ZNF28: variants seen among roughly 807,000 people sequenced by gnomAD.
ZNF28 encodes the protein zinc finger protein 28, also known as zinc finger protein KOX24.
Under a neutral mutation model 7.2 loss-of-function variants are expected in ZNF28, and 5 were observed. The ratio of observed to expected loss-of-function variants is 0.70; its 90% confidence interval spans 0.36 to 1.46. ZNF28 has a LOEUF of 1.46. Ranked by LOEUF, ZNF28 falls within the 40% of genes most tolerant of loss-of-function variation. The pLI is 0.03. For synonymous variants in ZNF28, 288 were observed against 292.4 expected (o/e 0.99, Z 0.15); for missense variants, 879 against 866.6 (o/e 1.01, Z -0.18).
intron 2 of ZNF28, chr19:52,810,534 C>T: frequency 1.3e-6 from 2 of 1,597,058 alleles, no homozygotes; most frequent in Non-Finnish European, 1.7e-6. Flanking sequence ...CCAAAGCGAA[C>T]CAACAGACCA....
chr19:52,800,003 C>T lies in ZNF28; in HGVS notation c.1842G>A (p.Lys614=). Residue 614 remains lysine (K), a synonymous_variant, in exon 4 of 4, where the codon AAG becomes AAA. Transcript: ENST00000457749. ...EKPYKCNECG[K]TFRQTSSLII... ...TAAGCGATGATGTCTGACGGAAGGTCTTGCCACACTCATTACACTTGTAAG... is the reference window on the plus strand; with the variant it reads ...TAAGCGATGATGTCTGACGGAAGGTTTTGCCACACTCATTACACTTGTAAG... 6.2e-7 allele frequency: 1 copy of T among 1,614,094 alleles called. No individual in the cohort carries two copies. The highest frequency in any genetic ancestry group is 1.3e-5 in the African/African-American group (1 of 75,040).
rs548377855 is a variant in ZNF28 at position 52,815,599 on chromosome 19, C to T, written c.15+2345G>A. Among the ~76,000 whole-genome samples, 16 of 146,308 alleles carry T rather than the reference C, an allele frequency of 1.1e-4. 3 individuals are homozygous for T. The highest frequency in any genetic ancestry group is 4.5e-4 in the South Asian group (2 of 4,406). ...CAGCACTTTGGGAGGCCGAGGCGGG[C>T]GAATCATGAGGTCAGGAGATCGAGA... On this transcript the variant is annotated intron_variant, in intron 2 of 3. Coordinates refer to ENST00000457749, the MANE Select transcript of ZNF28 (RefSeq NM_006969.5).
At chr19:52,807,878 C>T (rs1271102480) in intron 3 of ZNF28, 129 bp downstream of exon 3, 4 of 1,427,724 alleles carry the variant, frequency 2.8e-6, no homozygotes, top group Middle Eastern at 1.9e-4. Flanking sequence ...CCAGATGCTA[C>T]ATCATGAAGC....
In ZNF28 at chr19:52,819,200, A is replaced by T. The variant is rs1455520870; in HGVS notation, c.-73-1169T>A. Among the ~76,000 whole-genome samples, 9 of 136,016 alleles carry T rather than the reference A, an allele frequency of 6.6e-5. No homozygotes were observed. In the South Asian group the frequency reaches 1.7e-3, roughly 26 times the overall value. The allele number at this position is 136,016 out of a possible 152,430, so 89.2% of individuals were successfully genotyped here. A position where few individuals can be genotyped will look rare whatever the true frequency, so the allele number is the denominator to read the frequency against. On this transcript the variant is annotated intron_variant, in intron 1 of 3. Transcript: ENST00000457749. Reference sequence around the variant, plus strand: ...AGGAGGAGGCTGGACACTGGCAGGGACCCTGAACACAGGGCTGTGGAGCCA... The same window carrying T: ...AGGAGGAGGCTGGACACTGGCAGGGTCCCTGAACACAGGGCTGTGGAGCCA...
intron 3 of ZNF28, among the ~76,000 whole-genome samples, chr19:52,803,732 T>C (rs148962174): frequency 1.3e-5 from 2 of 152,128 alleles, no homozygotes; most frequent in Non-Finnish European, 2.9e-5. Context: ...TTTGGTAGGC[T>C]GAGGCAGGTA....
chr19:52,806,679 G>A (rs2062941201), intron 3 of ZNF28, among the ~76,000 whole-genome samples: 1 of 151,920 alleles, frequency 6.6e-6, no homozygotes, highest in African/African-American at 2.4e-5. Flanking sequence ...AGGCAAGTGG[G>A]TCACTTGAGA....
chr19:52,801,952 C>A (rs1829287178), intron 3 of ZNF28, among the ~76,000 whole-genome samples: 1 of 151,956 alleles, frequency 6.6e-6, no homozygotes, highest in Non-Finnish European at 1.5e-5. Flanking sequence ...CATGTGTGAG[C>A]CTAAAGTAAG....
chr19:52,808,897 C>G (rs1301761609), intron 2 of ZNF28, among the ~76,000 whole-genome samples: 1 of 151,752 alleles, frequency 6.6e-6, no homozygotes, highest in Non-Finnish European at 1.5e-5. Flanking sequence ...ATAATAAAAC[C>G]TAGAGACTCA....
At chr19:52,803,636 A>G (rs1056990808) in intron 3 of ZNF28, among the ~76,000 whole-genome samples, 2 of 152,278 alleles carry the variant, frequency 1.3e-5, no homozygotes, top group East Asian at 1.9e-4. Flanking sequence ...TTTCTGATAT[A>G]TGAGGTCAAG....
intron 2 of ZNF28, among the ~76,000 whole-genome samples, chr19:52,816,344 C>T (rs1037416775): frequency 6.8e-6 from 1 of 146,280 alleles, no homozygotes; most frequent in Admixed American, 6.9e-5. Flanking sequence ...CATGGTGAAA[C>T]CCTGTTTCTA....
rs1970802112 is a variant in ZNF28 at position 52,801,034 on chromosome 19, AAG to A, written c.809_810del (p.Pro270LeufsTer4). 6.2e-7 allele frequency: 1 copy of A among 1,614,022 alleles called. No individual in the cohort carries two copies. The highest frequency in any genetic ancestry group is 1.3e-5 in the African/African-American group (1 of 74,912). ...ATCTTGCCACACTCATTACACTTGT[AAG>A]GTTTCTCATCAATGTGAGATCTACG... ...CHRRSHIDEKPYKCNECGKIF... is the reference protein window; with the variant it reads ...CHRRSHIDEKXYKCNECGKIF... On this transcript the variant is annotated frameshift_variant, in exon 4 of 4. Coordinates refer to ENST00000457749, the MANE Select transcript of ZNF28 (RefSeq NM_006969.5). LOFTEE classifies it low-confidence loss of function (END_TRUNC).
At chr19:52,804,027 T>C (rs2062906169) in intron 3 of ZNF28, among the ~76,000 whole-genome samples, 1 of 152,218 alleles carries the variant, frequency 6.6e-6, no homozygotes, top group Non-Finnish European at 1.5e-5. Context: ...TCTAATAGGA[T>C]GTTCCTGCAG....
chr19:52,813,249 G>GAAAAAGAAAAAAAAAA (rs1555806826), intron 2 of ZNF28, among the ~76,000 whole-genome samples: 3 of 62,984 alleles, frequency 4.8e-5, no homozygotes, highest in African/African-American at 1.2e-4. Context: ...CTTGAATGGT[G>GAAAAAGAAAAAAAAAA]AAAAAAAAAA....
rs536771328 is a variant in ZNF28 at position 52,809,457 on chromosome 19, T to C, written c.16-1324A>G. The stretch of plus-strand genomic sequence containing the variant: ...ATTTACTGGAACACAAAGAAGAAAA[T>C]AGACACTGGCGTCTACTTGAGGGTG... On this transcript the variant is annotated intron_variant, in intron 2 of 3. Coordinates refer to ENST00000457749, the MANE Select transcript of ZNF28 (RefSeq NM_006969.5). Among the ~76,000 whole-genome samples the C allele has an allele frequency of 7.9e-5, 12 of 151,826 alleles. No homozygotes were observed. In the East Asian group the frequency reaches 1.2e-3, roughly 15 times the overall value.
intron 3 of ZNF28, among the ~76,000 whole-genome samples, chr19:52,806,857 G>A (rs967972744): frequency 6.6e-6 from 1 of 152,060 alleles, no homozygotes; most frequent in African/African-American, 2.4e-5. Flanking sequence ...AGCCAAGATC[G>A]TACCAGTGCA....
intron 2 of ZNF28, among the ~76,000 whole-genome samples, chr19:52,812,542 T>C (rs2063065316): frequency 8.0e-6 from 1 of 125,342 alleles, no homozygotes; most frequent in African/African-American, 3.4e-5. Flanking sequence ...CAAGATGTGC[T>C]TTGTTAAACA....
At chr19:52,810,048 G>C (rs545549387) in intron 2 of ZNF28, 25 of 738,220 alleles carry the variant, frequency 3.4e-5, no homozygotes, top group Non-Finnish European at 4.9e-6. Context: ...CCAGCCCCGC[G>C]CCCCATGCCT....
chr19:52,797,801 T>C lies in ZNF28; in HGVS notation c.*1887A>G, dbSNP rs546951258. ...TGATTTAGATTCAACACAATACTCA[T>C]AGAAATCCCCATAACTTTTTGTTAA... On this transcript the variant is annotated 3_prime_UTR_variant, in exon 4 of 4. Transcript: ENST00000457749. The C allele has an allele frequency of 3.3e-5, 5 of 152,258 alleles. No homozygotes were observed. The highest frequency in any genetic ancestry group is 7.2e-5 in the African/African-American group (3 of 41,550). The allele number at this position is 152,258 out of a possible 1,614,324, so 9.4% of individuals were successfully genotyped here. A position where few individuals can be genotyped will look rare whatever the true frequency, so the allele number is the denominator to read the frequency against.
intron 2 of ZNF28, among the ~76,000 whole-genome samples, chr19:52,811,248 C>T (rs1198634471): frequency 6.6e-6 from 1 of 151,702 alleles, no homozygotes; most frequent in African/African-American, 2.4e-5. Context: ...ACTACAACCT[C>T]CACCTCCCAG....
Sources: gnomAD v4.1 joint callset for allele counts (sites outside exome capture counted in the v4.1 genomes callset) on GRCh38, gnomAD v4.1.1 for gene constraint, MANE v1.5 for transcripts, NCBI Gene and HGNC (gene_info 2026-07-23, HGNC 2026-07-21) for gene names.